Variants in CDH13 observed in about 807,000 individuals in gnomAD.
The protein encoded by CDH13 is cadherin-13.
Under a neutral mutation model 63.8 loss-of-function variants are expected in CDH13, and 24 were observed. The ratio of observed to expected loss-of-function variants is 0.38; its 90% CI spans 0.27 to 0.53. CDH13 has a LOEUF of 0.53. Ranked by LOEUF, CDH13 falls within the 20% of genes least tolerant of loss-of-function variation. CDH13 has a pLI of 0.85. For synonymous variants in CDH13, 503 were observed against 355.3 expected (o/e 1.42, Z -4.67); for missense variants, 1,049 against 903.1 (o/e 1.16, Z -2.07).
At chr16:82,806,784 T>A (rs2037166413) in intron 1 of CDH13, among the ~76,000 whole-genome samples, 1 of 152,172 alleles carries the variant, frequency 6.6e-6, no homozygotes, top group African/African-American at 2.4e-5. Context: ...GTCCTGTTTC[T>A]CTAGCAGTGA....
At position 82,719,466 on chromosome 16, in the gene CDH13, T is replaced by C. The variant is rs566978921; in HGVS notation, c.45+92329T>C. ...TCCCACTTGCAGAAGGAAGGAATGA[T>C]GCCAACTTCGTAAGTTACATGAGAT... On this transcript the variant is annotated intron_variant, in intron 1 of 13. Coordinates refer to ENST00000567109, the MANE Select transcript of CDH13 (RefSeq NM_001257.5). The C allele has an allele frequency of 1.4e-3, 628 of 455,756 alleles. 4 individuals are homozygous for C. The highest frequency in any genetic ancestry group is 2.3e-3 in the Non-Finnish European group (511 of 226,666). 28.2% of individuals were successfully genotyped at this position (455,756 alleles called of 1,614,324 possible). A position where few individuals can be genotyped will look rare whatever the true frequency, so the allele number is the denominator to read the frequency against.
rs762355886 is a variant in CDH13 at position 83,175,821 on chromosome 16, CTTTTTTT to C, written c.484-41506_484-41500del. On this transcript the variant is annotated intron_variant, in intron 4 of 13. Coordinates refer to ENST00000567109, the MANE Select transcript of CDH13 (RefSeq NM_001257.5). ...ATATACATACTGTTTTTTCAACCTG[CTTTTTTT>C]TTTTTTTTTTTTTTTTTGAGACGGA... is the stretch of plus-strand genomic sequence containing the variant. 8.6e-3 allele frequency among the ~76,000 whole-genome samples: 772 copies of C among 90,028 alleles called. 7 individuals carry two copies. The highest frequency in any genetic ancestry group is 0.019 in the African/African-American group (393 of 20,582). 59.1% of individuals were successfully genotyped at this position (90,028 alleles called of 152,430 possible).
At chr16:83,687,496 G>A (rs899708239) in intron 10 of CDH13, among the ~76,000 whole-genome samples, 4 of 152,092 alleles carry the variant, frequency 2.6e-5, no homozygotes, top group Admixed American at 2.0e-4. Flanking sequence ...TCACTATCCC[G>A]AAGACGCCAC....
intron 5 of CDH13, among the ~76,000 whole-genome samples, chr16:83,286,650 G>C (rs940347662): frequency 1.3e-5 from 2 of 151,720 alleles, no homozygotes; most frequent in African/African-American, 4.8e-5. Flanking sequence ...CAGCTACTTG[G>C]GGGGCTGAGG....
chr16:82,688,198 C>G (rs1473657887), intron 1 of CDH13, among the ~76,000 whole-genome samples: 1 of 152,202 alleles, frequency 6.6e-6, no homozygotes, highest in Non-Finnish European at 1.5e-5. Flanking sequence ...TCGTCCAACA[C>G]TGGTATAGCC....
intron 8 of CDH13, among the ~76,000 whole-genome samples, chr16:83,607,970 C>T (rs904011605): frequency 7.2e-5 from 11 of 151,914 alleles, no homozygotes; most frequent in African/African-American, 2.7e-4. Context: ...CCAACAAATA[C>T]TGATTGAATA....
chr16:83,652,683 C>T (rs72795373), intron 8 of CDH13, among the ~76,000 whole-genome samples: 15,749 of 152,086 alleles, frequency 0.1, 1,036 homozygotes, highest in Non-Finnish European at 0.14. Context: ...TGACAGGCCA[C>T]GGTCTCTTGT....
chr16:83,706,518 G>T (rs1598528061), intron 10 of CDH13, among the ~76,000 whole-genome samples: 1 of 152,204 alleles, frequency 6.6e-6, no homozygotes, highest in Non-Finnish European at 1.5e-5. Flanking sequence ...TCAGATTCCA[G>T]CTTCATTGCT....
intron 5 of CDH13, among the ~76,000 whole-genome samples, chr16:83,259,778 G>T (rs891388814): frequency 6.6e-6 from 1 of 152,094 alleles, no homozygotes; most frequent in African/African-American, 2.4e-5. Context: ...GAGCCTTCTA[G>T]CCCTGAGGCA....
At chr16:83,551,082 A>ATCTG (rs2075484240) in intron 7 of CDH13, among the ~76,000 whole-genome samples, 1 of 150,598 alleles carries the variant, frequency 6.6e-6, no homozygotes, top group African/African-American at 2.5e-5. Context: ...CTATCTATCT[A>ATCTG]TCTATCTATC....
intron 2 of CDH13, among the ~76,000 whole-genome samples, chr16:82,941,848 A>G (rs1904291350): frequency 6.6e-6 from 1 of 152,146 alleles, no homozygotes; most frequent in African/African-American, 2.4e-5. Context: ...ACTTATATTC[A>G]TACCCAGGAA....
chr16:83,084,064 G>T (rs1019316741), intron 3 of CDH13, among the ~76,000 whole-genome samples: 2 of 152,174 alleles, frequency 1.3e-5, no homozygotes, highest in African/African-American at 4.8e-5. Flanking sequence ...GGCAGAAGAG[G>T]CTGTCCTAAA....
At chr16:82,815,104 C>A (rs929653696) in intron 1 of CDH13, among the ~76,000 whole-genome samples, 2 of 151,990 alleles carry the variant, frequency 1.3e-5, no homozygotes, top group Admixed American at 1.3e-4. Flanking sequence ...GTAGGCTCAG[C>A]TGAAAACATC....
intron 2 of CDH13, among the ~76,000 whole-genome samples, chr16:82,975,023 A>G (rs1359088486): frequency 2.0e-5 from 3 of 152,092 alleles, no homozygotes; most frequent in South Asian, 2.1e-4. Context: ...ATAGCCGCAC[A>G]TGAAGTCCTC....
intron 4 of CDH13, chr16:83,171,656 T>G: frequency 9.5e-7 from 1 of 1,052,916 alleles, no homozygotes; most frequent in Non-Finnish European, 1.4e-6. Flanking sequence ...ATCAGGGGAT[T>G]TAGTGACACT....
Position 82,717,869 on chromosome 16 carries a change from G to A in CDH13, c.45+90732G>A, listed in dbSNP as rs1478079333. 2.0e-5 allele frequency among the ~76,000 whole-genome samples: 3 copies of A among 152,260 alleles called. No individual in the cohort carries two copies. In the East Asian group the frequency reaches 5.8e-4, roughly 29 times the overall value. On this transcript the variant is annotated intron_variant, in intron 1 of 13. Transcript: ENST00000567109. ...GTAGTAGGGGTTCATCAGTTAGTGG[G>A]GGGGAAGTAGCCAGTTTATTCCCAA...
intron 6 of CDH13, among the ~76,000 whole-genome samples, chr16:83,363,673 T>G (rs1281669904): frequency 6.6e-6 from 1 of 152,204 alleles, no homozygotes. Flanking sequence ...TCCAAGATGA[T>G]GTCACACCAG....
intron 7 of CDH13, among the ~76,000 whole-genome samples, chr16:83,559,916 A>G (rs1299919215): frequency 6.6e-6 from 1 of 152,226 alleles, no homozygotes; most frequent in African/African-American, 2.4e-5. Flanking sequence ...AAAATAAAAG[A>G]TTAAATCAGA....
chr16:83,713,350 A>G (rs759007106), intron 10 of CDH13, among the ~76,000 whole-genome samples: 18 of 152,100 alleles, frequency 1.2e-4, no homozygotes, highest in Non-Finnish European at 2.2e-4. Context: ...CATTTTTCCA[A>G]TGAGGTTCTT....
Sources: gnomAD v4.1 joint callset for allele counts (sites outside exome capture counted in the v4.1 genomes callset) on GRCh38, gnomAD v4.1.1 for gene constraint, MANE v1.5 for transcripts, NCBI Gene and HGNC (gene_info 2026-07-23, HGNC 2026-07-21) for gene names.